BMPR1B: variants seen among roughly 807,000 people sequenced by gnomAD.
BMPR1B encodes the protein bone morphogenetic protein receptor type-1B.
Under a neutral mutation model 59.1 loss-of-function variants are expected in BMPR1B, and 12 were observed. The observed-to-expected ratio is 0.20, with a 90% CI of 0.13 to 0.33. The LOEUF (loss-of-function observed/expected upper bound fraction) is 0.33. Among genes scored for constraint, BMPR1B ranks in the 10% least tolerant of loss-of-function variants. The pLI, the probability that BMPR1B is intolerant of heterozygous loss-of-function variation, is 1.00. For synonymous variants in BMPR1B, 237 were observed against 207.3 expected (o/e 1.14, Z -1.23); for missense variants, 550 against 610.9 (o/e 0.90, Z 1.05).
At chr4:95,031,544 G>C (rs1300448260) in intron 3 of BMPR1B, among the ~76,000 whole-genome samples, 1 of 151,992 alleles carries the variant, frequency 6.6e-6, no homozygotes, top group Non-Finnish European at 1.5e-5. Flanking sequence ...CTATAGCCTT[G>C]AACTCCTAGA....
intron 1 of BMPR1B, among the ~76,000 whole-genome samples, chr4:94,872,997 A>G (rs1379414198): frequency 6.6e-6 from 1 of 152,090 alleles, no homozygotes; most frequent in Non-Finnish European, 1.5e-5. Context: ...AGCTGCCTGT[A>G]GGGCCCCCAA....
chr4:94,840,490 C>T (rs796789678), intron 1 of BMPR1B, among the ~76,000 whole-genome samples: 36 of 145,514 alleles, frequency 2.5e-4, no homozygotes, highest in Non-Finnish European at 3.5e-4. Flanking sequence ...CTAAACTTCC[C>T]TTCTCGCTTC....
chr4:95,067,994 C>T (rs1369114567), intron 3 of BMPR1B, among the ~76,000 whole-genome samples: 1 of 152,158 alleles, frequency 6.6e-6, no homozygotes, highest in African/African-American at 2.4e-5. Flanking sequence ...GAGGGACCAA[C>T]ATTCGCAAAA....
chr4:95,076,693 G>A (rs934353597), intron 3 of BMPR1B, among the ~76,000 whole-genome samples: 2 of 152,038 alleles, frequency 1.3e-5, no homozygotes, highest in South Asian at 2.1e-4. Context: ...ATGCTACTTG[G>A]AATAAGAGGG....
intron 1 of BMPR1B, among the ~76,000 whole-genome samples, chr4:94,804,758 T>C (rs939915140): frequency 2.0e-5 from 3 of 152,184 alleles, no homozygotes; most frequent in African/African-American, 7.2e-5. Context: ...GTTTATGTGA[T>C]GTGGAAACTA....
chr4:94,817,745 G>A (rs542636171), intron 1 of BMPR1B, among the ~76,000 whole-genome samples: 1 of 152,146 alleles, frequency 6.6e-6, no homozygotes, highest in Non-Finnish European at 1.5e-5. Context: ...TCAGGGTGTG[G>A]GAAGGGCGAT....
intron 1 of BMPR1B, among the ~76,000 whole-genome samples, chr4:94,812,839 T>C (rs1471653392): frequency 2.0e-5 from 3 of 152,238 alleles, no homozygotes; most frequent in Admixed American, 6.5e-5. Context: ...TTGAGTAGCA[T>C]ATTTGACCAA....
chr4:94,761,313 G>T (rs1256525650), intron 1 of BMPR1B, among the ~76,000 whole-genome samples: 1 of 151,964 alleles, frequency 6.6e-6, no homozygotes, highest in Non-Finnish European at 1.5e-5. Context: ...TTTCTATGTG[G>T]TAGGCATTGT....
chr4:95,116,071 T>G (rs1431146461), intron 6 of BMPR1B, among the ~76,000 whole-genome samples: 2 of 152,198 alleles, frequency 1.3e-5, no homozygotes, highest in African/African-American at 4.8e-5. Context: ...AGGCAGGAGC[T>G]AGCACTCTGC....
intron 2 of BMPR1B, among the ~76,000 whole-genome samples, chr4:94,885,577 G>T (rs1350317458): frequency 6.6e-6 from 1 of 152,048 alleles, no homozygotes; most frequent in Non-Finnish European, 1.5e-5. Context: ...GGGAAAAAAA[G>T]ACATTTTGCC....
At chr4:94,993,340 C>G (rs935067437) in intron 2 of BMPR1B, among the ~76,000 whole-genome samples, 1 of 152,212 alleles carries the variant, frequency 6.6e-6, no homozygotes, top group Non-Finnish European at 1.5e-5. Context: ...TCATAACACT[C>G]TTTCTCTTAC....
intron 3 of BMPR1B, among the ~76,000 whole-genome samples, chr4:95,076,959 G>A (rs1000286101): frequency 6.6e-6 from 1 of 152,128 alleles, no homozygotes; most frequent in Admixed American, 6.6e-5. Flanking sequence ...CCTTAGAACT[G>A]TTAGAGATTT....
chr4:95,057,798 T>C (rs558728756), intron 3 of BMPR1B, among the ~76,000 whole-genome samples: 18 of 152,276 alleles, frequency 1.2e-4, no homozygotes, highest in African/African-American at 4.1e-4. Flanking sequence ...TGAATTGATA[T>C]TGGCTAGCAA....
At chr4:94,951,639 G>GTGC (rs1200489843) in intron 2 of BMPR1B, among the ~76,000 whole-genome samples, 1 of 152,154 alleles carries the variant, frequency 6.6e-6, no homozygotes, top group East Asian at 1.9e-4. Context: ...GGTTTGTGAT[G>GTGC]TGCTGCTGGA....
chr4:94,973,220 C>T (rs987153554), intron 2 of BMPR1B, among the ~76,000 whole-genome samples: 1 of 152,116 alleles, frequency 6.6e-6, no homozygotes, highest in Non-Finnish European at 1.5e-5. Context: ...GCTCAGTGGG[C>T]CTTTCACCCT....
intron 11 of BMPR1B, 152 bp downstream of exon 11, chr4:95,149,075 A>G (rs1734849546): frequency 9.9e-7 from 1 of 1,005,724 alleles, no homozygotes; most frequent in Non-Finnish European, 1.5e-6. Flanking sequence ...CTTCCAGGAA[A>G]TTATATTCGA....
intron 2 of BMPR1B, among the ~76,000 whole-genome samples, chr4:94,885,038 G>A (rs1727117940): frequency 6.6e-6 from 1 of 152,132 alleles, no homozygotes; most frequent in South Asian, 2.1e-4. Flanking sequence ...TTTTACTTGA[G>A]TCTGGCCCTC....
intron 2 of BMPR1B, among the ~76,000 whole-genome samples, chr4:94,899,981 TAGC>T (rs1293726327): frequency 1.3e-5 from 2 of 151,922 alleles, no homozygotes; most frequent in African/African-American, 2.4e-5. Context: ...TTCTAGAAAA[TAGC>T]AGGTTGTCAC....
chr4:94,967,680 C>T (rs1191591285), intron 2 of BMPR1B, among the ~76,000 whole-genome samples: 3 of 152,000 alleles, frequency 2.0e-5, no homozygotes, highest in African/African-American at 4.8e-5. Flanking sequence ...GATGGGGTTT[C>T]ACCGTGTTGA....
Sources: gnomAD v4.1 joint callset for allele counts (sites outside exome capture counted in the v4.1 genomes callset) on GRCh38, gnomAD v4.1.1 for gene constraint, MANE v1.5 for transcripts, NCBI Gene and HGNC (gene_info 2026-07-23, HGNC 2026-07-21) for gene names.